The following YTHDC2 variants were observed in gnomAD, a reference collection of about 807,000 sequenced individuals.
The protein encoded by YTHDC2 is YTH N6-methyladenosine RNA binding protein C2.
Under a neutral mutation model 174.9 loss-of-function variants are expected in YTHDC2, and 45 were observed. The observed-to-expected ratio is 0.26, with a 90% CI of 0.20 to 0.33. YTHDC2 has a LOEUF of 0.33. YTHDC2 is among the 10% of genes least tolerant of loss of function. The pLI is 1.00. For synonymous variants in YTHDC2, 657 were observed against 574.5 expected, an observed-to-expected ratio of 1.14 and a Z score of -2.05; for missense variants, 1,650 against 1,723.7, an observed-to-expected ratio of 0.96 and a Z score of 0.76.
intron 12 of YTHDC2, among the ~76,000 whole-genome samples, chr5:113,550,086 A>T (rs1369136486): frequency 7.0e-6 from 1 of 143,590 alleles, no homozygotes; most frequent in Non-Finnish European, 1.5e-5. Context: ...TTCACAAAAA[A>T]GAAGTAAAAA....
At chr5:113,577,650 G>T (rs192865348) in intron 23 of YTHDC2, among the ~76,000 whole-genome samples, 1 of 152,104 alleles carries the variant, frequency 6.6e-6, no homozygotes, top group East Asian at 1.9e-4. Context: ...GATTACAGGC[G>T]TGAGCCACCG....
In YTHDC2 at chr5:113,558,916, C is replaced by T. The variant is rs542517142; in HGVS notation, c.2217-2164C>T. ...CAGCCTGGGTGACAGAGCAAGACTC[C>T]GTCTCAAAAAAAAAAAAAAAAGAAA... On this transcript the variant is annotated intron_variant, in intron 17 of 29. Coordinates refer to ENST00000161863, the MANE Select transcript of YTHDC2 (RefSeq NM_022828.5). Among the ~76,000 whole-genome samples the T allele has an allele frequency of 8.5e-3, 919 of 108,098 alleles. 8 individuals carry two copies. The highest frequency in any genetic ancestry group is 0.037 in the African/African-American group (852 of 23,028). 70.9% of individuals were successfully genotyped at this position (108,098 alleles called of 152,430 possible). A position where few individuals can be genotyped will look rare whatever the true frequency, so the allele number is the denominator to read the frequency against.
At chr5:113,517,722 A>G (rs990845652) in intron 2 of YTHDC2, 4 of 351,010 alleles carry the variant, frequency 1.1e-5, no homozygotes, top group African/African-American at 2.2e-5. Flanking sequence ...TAAACTTTGT[A>G]CTATATTTTC....
At chr5:113,570,995 G>A (rs1284282179) in intron 23 of YTHDC2, among the ~76,000 whole-genome samples, 1 of 152,080 alleles carries the variant, frequency 6.6e-6, no homozygotes, top group African/African-American at 2.4e-5. Flanking sequence ...TGATTTCCTT[G>A]GCCTGAACTT....
chr5:113,578,984 C>T (rs1778232869), intron 23 of YTHDC2, among the ~76,000 whole-genome samples: 1 of 152,006 alleles, frequency 6.6e-6, no homozygotes, highest in Non-Finnish European at 1.5e-5. Flanking sequence ...TTTATAATCT[C>T]ATTTTCACCT....
At chr5:113,516,258 C>T (rs186392653) in intron 2 of YTHDC2, among the ~76,000 whole-genome samples, 128 of 152,180 alleles carry the variant, frequency 8.4e-4, no homozygotes, top group Non-Finnish European at 1.1e-3. Context: ...TAATAATAAG[C>T]TTTAGAGCAT....
rs772115185 is a variant in YTHDC2 at position 113,581,206 on chromosome 5, CTATT to C, written c.3355-208_3355-205del. The C allele has an allele frequency of 9.4e-5, 40 of 426,514 alleles. No homozygotes were observed. In the East Asian group the frequency reaches 1.2e-3, roughly 12 times the overall value. The allele number at this position is 426,514 out of a possible 1,614,324, so 26.4% of individuals were successfully genotyped here. Reference sequence around the variant, plus strand: ...ATTGTTTACTGTCTTTCTTATTAGACTATTTAATTTGATTTTGTGTCTTAGTGCC... The same window carrying C: ...ATTGTTTACTGTCTTTCTTATTAGACTAATTTGATTTTGTGTCTTAGTGCC... On this transcript the variant is annotated intron_variant, in intron 24 of 29. Coordinates refer to ENST00000161863, the MANE Select transcript of YTHDC2 (RefSeq NM_022828.5).
chr5:113,589,913 A>T (rs908991134), intron 26 of YTHDC2, among the ~76,000 whole-genome samples: 28 of 151,768 alleles, frequency 1.8e-4, no homozygotes, highest in Admixed American at 1.7e-3. Flanking sequence ...TTTTTCTTTT[A>T]CTTTTCTTTC....
chr5:113,574,422 A>T (rs1221694332), intron 23 of YTHDC2, among the ~76,000 whole-genome samples: 18 of 152,116 alleles, frequency 1.2e-4, no homozygotes, highest in Non-Finnish European at 7.4e-5. Flanking sequence ...CTGAGGTCTC[A>T]CCCAGTCAGG....
intron 24 of YTHDC2, among the ~76,000 whole-genome samples, chr5:113,580,741 T>C (rs1443132004): frequency 6.6e-6 from 1 of 152,200 alleles, no homozygotes; most frequent in Non-Finnish European, 1.5e-5. Context: ...CTATTGTCCA[T>C]ATCCTCCTTT....
chr5:113,513,866 C>T lies in YTHDC2; in HGVS notation c.-30C>T, dbSNP rs773016544. ...CTGTCAGCTAGCAGGCCTGGCCGCT[C>T]CCGTGCGGAGAGACCATCTCTTCAG... On this transcript the variant is annotated 5_prime_UTR_variant, in exon 1 of 30. Transcript: ENST00000161863. 1.9e-6 allele frequency: 3 copies of T among 1,568,604 alleles called. No individual in the cohort carries two copies. Among genetic ancestry groups the T allele is most frequent in the Non-Finnish European group, 2.6e-6 (3 of 1,161,930 alleles).
Position 113,563,872 on chromosome 5 carries a change from T to G in YTHDC2, c.2456T>G (p.Met819Arg). The G allele has an allele frequency of 6.2e-7, 1 of 1,614,190 alleles. No individual in the cohort carries two copies. The highest frequency in any genetic ancestry group is 1.1e-5 in the South Asian group (1 of 91,082). Residue 819 changes from methionine (M) to arginine (R), a missense_variant, in exon 20 of 30, where the codon ATG becomes AGG. Met to Arg is a moderately conservative substitution (Grantham distance 91). Coordinates refer to ENST00000161863, the MANE Select transcript of YTHDC2 (RefSeq NM_022828.5). ...CCTTTTACTTAGACAATAGATGCAA[T>G]GGATACATGGGAAGATCTGACTGAA... ...AVQMLKTIDAMDTWEDLTELG... is the reference protein window; with the variant it reads ...AVQMLKTIDARDTWEDLTELG...
intron 10 of YTHDC2, among the ~76,000 whole-genome samples, chr5:113,544,021 A>G (rs1183740986): frequency 1.3e-5 from 2 of 151,448 alleles, no homozygotes; most frequent in Non-Finnish European, 2.9e-5. Flanking sequence ...TTTATTTTTC[A>G]TTACTTATTT....
intron 23 of YTHDC2, among the ~76,000 whole-genome samples, chr5:113,569,040 C>G (rs1777542713): frequency 2.0e-5 from 3 of 151,978 alleles, no homozygotes; most frequent in African/African-American, 7.2e-5. Flanking sequence ...TGTTTTTTGA[C>G]TTTTTAATAA....
Position 113,525,172 on chromosome 5 carries a change from A to G in YTHDC2, c.470A>G (p.Glu157Gly). Residue 157 changes from glutamate to glycine, a missense_variant, in exon 3 of 30, where the codon GAA (glutamate) becomes GGA (glycine). Glu to Gly is a moderately conservative substitution (Grantham distance 98). Transcript: ENST00000161863. Reference sequence around the variant, plus strand: ...GAAAGAGGAAATGTGTTTGCAGTTGAAGCTGGTATGTATTTTCTGGGGAGC... The same window carrying G: ...GAAAGAGGAAATGTGTTTGCAGTTGGAGCTGGTATGTATTTTCTGGGGAGC... ...KTERGNVFAV[E>G]AENREMSKTS... 6.3e-7 allele frequency: 1 copy of G among 1,590,664 alleles called. No individual in the cohort carries two copies. The highest frequency in any genetic ancestry group is 2.3e-5 in the East Asian group (1 of 43,704).
intron 25 of YTHDC2, chr5:113,582,490 G>A (rs937825650): frequency 6.6e-6 from 1 of 152,040 alleles, no homozygotes. Flanking sequence ...AGTGTTTCTG[G>A]TTATAAAAAC....
chr5:113,563,891 G>A lies in YTHDC2; in HGVS notation c.2475G>A (p.Leu825=), dbSNP rs200526128. 55 of 1,614,146 alleles carry A rather than the reference G, an allele frequency of 3.4e-5. No individual in the cohort carries two copies. The Admixed American group carries it at 5.3e-4, about 16-fold the overall frequency. Reference sequence around the variant, plus strand: ...ATGCAATGGATACATGGGAAGATCTGACTGAACTTGGGTATCATTTGGCTG... The same window carrying A: ...ATGCAATGGATACATGGGAAGATCTAACTGAACTTGGGTATCATTTGGCTG... The part of the protein sequence containing the change: ...TIDAMDTWED[L]TELGYHLADL... Residue 825 remains leucine, a synonymous_variant, in exon 20 of 30, where the codon CTG becomes CTA. Transcript: ENST00000161863.
At chr5:113,564,268 T>A in intron 20 of YTHDC2, 137 bp downstream of exon 20, 1 of 987,878 alleles carries the variant, frequency 1.0e-6, no homozygotes, top group Non-Finnish European at 1.4e-6. Flanking sequence ...ACATTAATAG[T>A]CCTGAAAAAT....
chr5:113,567,433 A>C, intron 22 of YTHDC2, 136 bp downstream of exon 22: 1 of 412,798 alleles, frequency 2.4e-6, no homozygotes, highest in Non-Finnish European at 3.5e-6. Context: ...TATATCATTA[A>C]ATATTGGAAC....
Sources: allele counts gnomAD v4.1 joint callset (sites outside exome capture counted in the v4.1 genomes callset), GRCh38; gene constraint gnomAD v4.1.1; transcripts MANE v1.5; gene names NCBI Gene and HGNC (gene_info 2026-07-23, HGNC 2026-07-21).